Variants in CCDC25 observed in about 807,000 individuals in gnomAD.
CCDC25 encodes the protein coiled-coil domain-containing protein 25.
Under a neutral mutation model 35.3 loss-of-function variants are expected in CCDC25, and 16 were observed. The ratio of observed to expected loss-of-function variants is 0.45; its 90% CI spans 0.31 to 0.69. The LOEUF (loss-of-function observed/expected upper bound fraction) is 0.69, where lower values mean the gene tolerates loss of function less well. Ranked by LOEUF, CCDC25 falls within the 30% of genes least tolerant of loss-of-function variation. The pLI is 0.06. For synonymous variants in CCDC25, 79 were observed against 80.3 expected, an observed-to-expected ratio of 0.98 and a Z score of 0.09; for missense variants, 179 against 250.7, an observed-to-expected ratio of 0.71 and a Z score of 1.93.
chr8:27,752,035 A>C (rs1395551719), intron 5 of CCDC25, among the ~76,000 whole-genome samples: 2 of 152,212 alleles, frequency 1.3e-5, no homozygotes, highest in African/African-American at 4.8e-5. Flanking sequence ...TTTAAGAGGG[A>C]AAAAGTATGT....
intron 5 of CCDC25, among the ~76,000 whole-genome samples, chr8:27,751,346 T>A (rs1232816025): frequency 1.3e-5 from 2 of 152,242 alleles, no homozygotes; most frequent in Non-Finnish European, 2.9e-5. Flanking sequence ...TCTGTTCTCC[T>A]CATACAATGG....
intron 5 of CCDC25, among the ~76,000 whole-genome samples, chr8:27,750,221 A>G (rs1803749405): frequency 6.6e-6 from 1 of 152,180 alleles, no homozygotes. Context: ...CTGAAGAAGG[A>G]AAAGGCTTCA....
At chr8:27,766,382 G>C (rs1804400083) in intron 1 of CCDC25, among the ~76,000 whole-genome samples, 1 of 151,920 alleles carries the variant, frequency 6.6e-6, no homozygotes, top group Admixed American at 6.6e-5. Context: ...GTAATGAGAA[G>C]CTTCTTAAAT....
intron 8 of CCDC25, among the ~76,000 whole-genome samples, chr8:27,736,645 G>A (rs1404900175): frequency 6.6e-6 from 1 of 152,160 alleles, no homozygotes; most frequent in Non-Finnish European, 1.5e-5. Flanking sequence ...AACTGATTCT[G>A]GCCTAAGTTC....
intron 1 of CCDC25, among the ~76,000 whole-genome samples, chr8:27,770,480 G>A (rs1333326916): frequency 6.6e-6 from 1 of 151,758 alleles, no homozygotes; most frequent in African/African-American, 2.4e-5. Context: ...GCTCATGCTG[G>A]TAATCCCAGC....
chr8:27,746,931 G>C (rs1211231709), intron 7 of CCDC25, among the ~76,000 whole-genome samples: 1 of 152,184 alleles, frequency 6.6e-6, no homozygotes, highest in African/African-American at 2.4e-5. Context: ...AACTGGGTTA[G>C]GACATGCCTA....
chr8:27,770,212 T>A (rs1396626910), intron 1 of CCDC25, among the ~76,000 whole-genome samples: 1 of 151,846 alleles, frequency 6.6e-6, no homozygotes, highest in African/African-American at 2.4e-5. Flanking sequence ...GAGGTTAAGG[T>A]GGGTAGATCA....
intron 2 of CCDC25, chr8:27,764,182 G>A (rs1249853135): frequency 6.5e-6 from 1 of 153,908 alleles, no homozygotes; most frequent in Non-Finnish European, 1.5e-5. Context: ...ATTTAGAGAA[G>A]TAATGTCCGT....
At chr8:27,770,804 T>C (rs538998418) in intron 1 of CCDC25, among the ~76,000 whole-genome samples, 4 of 149,518 alleles carry the variant, frequency 2.7e-5, no homozygotes, top group East Asian at 2.0e-4. Context: ...AGAGTAGCAA[T>C]AGAATAGAAA....
rs563177263 is a variant in CCDC25, at chr8:27,766,373, T to C, written c.29-1122A>G. Among the ~76,000 whole-genome samples, 3 of 151,688 alleles carry C rather than the reference T, an allele frequency of 2.0e-5. No homozygotes were observed. The South Asian group carries it at 6.3e-4, about 32-fold the overall frequency. The stretch of plus-strand genomic sequence containing the variant: ...TCAGAGAGATGCCCTGTACTTTCAG[T>C]AATGAGAAGCTTCTTAAATGATCAA... On this transcript the variant is annotated intron_variant, in intron 1 of 8. Transcript: ENST00000356537.
intron 4 of CCDC25, 77 bp downstream of exon 4, chr8:27,756,642 T>C: frequency 2.0e-6 from 2 of 1,019,004 alleles, no homozygotes; most frequent in Non-Finnish European, 3.1e-6. Flanking sequence ...GTAAGCAATT[T>C]AATTGCAAAG....
chr8:27,767,270 G>A (rs1390187760), intron 1 of CCDC25, among the ~76,000 whole-genome samples: 2 of 152,186 alleles, frequency 1.3e-5, no homozygotes, highest in Admixed American at 6.5e-5. Flanking sequence ...AGAGGCTCAG[G>A]CATGAGGATT....
At chr8:27,744,573 C>T (rs148631439) in intron 7 of CCDC25, among the ~76,000 whole-genome samples, 79 of 152,314 alleles carry the variant, frequency 5.2e-4, no homozygotes, top group African/African-American at 1.7e-3. Context: ...TTACTTCATT[C>T]ATCCTGTAAG....
chr8:27,763,181 G>A (rs1025405319), intron 2 of CCDC25, among the ~76,000 whole-genome samples: 1 of 152,034 alleles, frequency 6.6e-6, no homozygotes, highest in South Asian at 2.1e-4. Flanking sequence ...TTGGCCCTTG[G>A]TTTGTTTCTA....
chr8:27,754,851 T>G (rs557354754), intron 4 of CCDC25, among the ~76,000 whole-genome samples: 2 of 152,194 alleles, frequency 1.3e-5, no homozygotes, highest in East Asian at 3.8e-4. Context: ...GCCATCCCCA[T>G]GAGCTCATGT....
chr8:27,739,507 CAATT>C (rs981057762), intron 8 of CCDC25, among the ~76,000 whole-genome samples: 4 of 151,010 alleles, frequency 2.6e-5, no homozygotes, highest in Admixed American at 1.3e-4. Flanking sequence ...AGGAAAAAAA[CAATT>C]AAAAAAATAC....
At chr8:27,765,137 A>C in intron 2 of CCDC25, 67 bp downstream of exon 2, 1 of 1,403,582 alleles carries the variant, frequency 7.1e-7, no homozygotes, top group South Asian at 1.3e-5. Flanking sequence ...GGGGCATGGA[A>C]GGTGGTGAGT....
intron 4 of CCDC25, chr8:27,756,305 T>C (rs781737334): frequency 1.4e-4 from 22 of 160,916 alleles, no homozygotes; most frequent in Non-Finnish European, 2.8e-4. Flanking sequence ...ATTACTAGCA[T>C]GTTCTTTTAA....
rs1803275418 is a variant in CCDC25, at chr8:27,737,505, T to C, written c.598-1260A>G. Among the ~76,000 whole-genome samples the C allele has an allele frequency of 1.3e-5, 2 of 152,220 alleles. No individual in the cohort carries two copies. The highest frequency in any genetic ancestry group is 1.3e-4 in the Admixed American group (2 of 15,266). Reference sequence around the variant, plus strand: ...AATTATTCTTCTTGATGAACCTGTATATGCTAAATTAAAACTTAAGTCCTA... The same window carrying C: ...AATTATTCTTCTTGATGAACCTGTACATGCTAAATTAAAACTTAAGTCCTA... On this transcript the variant is annotated intron_variant, in intron 8 of 8. Transcript: ENST00000356537. The surrounding 1 kb of genome is among the most constrained non-coding windows in gnomAD (Gnocchi z 4.6).
Sources: gnomAD v4.1 joint callset for allele counts (sites outside exome capture counted in the v4.1 genomes callset) on GRCh38, gnomAD v4.1.1 for gene constraint, Gnocchi (gnomAD v3.1) non-coding constraint, MANE v1.5 for transcripts, NCBI Gene and HGNC (gene_info 2026-07-23, HGNC 2026-07-21) for gene names.